Variants in APBB1IP observed in about 807,000 individuals in gnomAD.
The protein encoded by APBB1IP is amyloid beta A4 precursor protein-binding family B member 1-interacting protein.
APBB1IP carries 27 observed loss-of-function variants against 64.9 expected under a neutral mutation model. That is an observed-to-expected ratio of 0.42 (90% confidence interval 0.31 to 0.57). The LOEUF (loss-of-function observed/expected upper bound fraction) is 0.57. Ranked by LOEUF, APBB1IP falls within the 20% of genes least tolerant of loss-of-function variation. The probability of loss-of-function intolerance (pLI) is 0.20; values close to 1 mark genes in which losing one functional copy is unlikely to be tolerated. For missense variants in APBB1IP, 812 were observed against 845.5 expected (o/e 0.96, Z 0.49); for synonymous variants, 392 against 331.0 (o/e 1.18, Z -2.00).
rs143713067 is a variant in APBB1IP at position 26,500,879 on chromosome 10, A to G, written c.221A>G (p.Asp74Gly). Reference protein sequence around the residue: ...LDALMADLVADISEAEQRTIQ... With the variant: ...LDALMADLVAGISEAEQRTIQ... ...GCTCTCATGGCAGATCTGGTAGCAGACATAAGTGAGGCTGAGCAGAGGACA... is the reference window on the plus strand; with the variant it reads ...GCTCTCATGGCAGATCTGGTAGCAGGCATAAGTGAGGCTGAGCAGAGGACA... Residue 74 changes from aspartate (D) to glycine (G), a missense_variant, in exon 5 of 15, where the codon GAC becomes GGC. Physicochemically the swap from Asp to Gly is moderately conservative, Grantham distance 94. Transcript: ENST00000376236. The G allele has an allele frequency of 1.6e-5, 26 of 1,614,096 alleles. No homozygotes were observed. The highest frequency in any genetic ancestry group is 3.3e-5 in the South Asian group (3 of 91,088).
At chr10:26,561,840 A>G (rs144747612) in intron 13 of APBB1IP, 349 of 152,530 alleles carry the variant, frequency 2.3e-3, no homozygotes, top group Middle Eastern at 6.8e-3. Context: ...TCTGTGTCCA[A>G]TGTACTTTTT....
rs75363759 is a variant in APBB1IP at position 26,464,199 on chromosome 10, C to T, written c.-1+25346C>T. ...AAGTTTCTCAACATTTTGATCTACT[C>T]ATACCATCCTTCCATGCTTTCCAGA... is the stretch of plus-strand genomic sequence containing the variant. On this transcript the variant is annotated intron_variant, in intron 2 of 14. Coordinates refer to ENST00000376236, the MANE Select transcript of APBB1IP (RefSeq NM_019043.4). Among the ~76,000 whole-genome samples the T allele has an allele frequency of 6.2e-3, 937 of 152,284 alleles. 9 individuals carry two copies. Among genetic ancestry groups the T allele is most frequent in the African/African-American group, 0.02 (847 of 41,548 alleles).
At chr10:26,506,634 G>A (rs1836183057) in intron 6 of APBB1IP, among the ~76,000 whole-genome samples, 1 of 151,950 alleles carries the variant, frequency 6.6e-6, no homozygotes, top group Admixed American at 6.6e-5. Context: ...GCTTCGCCTG[G>A]CCTACTTTAC....
chr10:26,523,216 T>C (rs561775698), intron 8 of APBB1IP, among the ~76,000 whole-genome samples: 18 of 152,248 alleles, frequency 1.2e-4, no homozygotes, highest in Admixed American at 9.2e-4. Flanking sequence ...CATAAATAAG[T>C]AGATGGGAAC....
intron 3 of APBB1IP, among the ~76,000 whole-genome samples, chr10:26,494,681 C>T (rs1413652950): frequency 4.6e-5 from 7 of 151,876 alleles, no homozygotes; most frequent in Admixed American, 1.3e-4. Context: ...AAAAATTAGC[C>T]GAGCGTGGTG....
At chr10:26,476,276 C>G (rs1835774484) in intron 2 of APBB1IP, among the ~76,000 whole-genome samples, 1 of 151,068 alleles carries the variant, frequency 6.6e-6, no homozygotes, top group Non-Finnish European at 1.5e-5. Context: ...CCAGGCTGGT[C>G]TCAAACTAAA....
intron 3 of APBB1IP, 68 bp downstream of exon 3, chr10:26,492,466 G>A: frequency 7.1e-7 from 1 of 1,404,672 alleles, no homozygotes; most frequent in Non-Finnish European, 1.0e-6. Context: ...ATTGTAATAT[G>A]ACAAGGGAGC....
At chr10:26,552,723 G>A (rs950395494) in intron 11 of APBB1IP, among the ~76,000 whole-genome samples, 3 of 152,170 alleles carry the variant, frequency 2.0e-5, no homozygotes, top group South Asian at 2.1e-4. Flanking sequence ...TTTATCCCAC[G>A]CAGTAACTCT....
intron 3 of APBB1IP, among the ~76,000 whole-genome samples, chr10:26,493,398 T>C (rs1365840446): frequency 6.6e-6 from 1 of 152,168 alleles, no homozygotes; most frequent in Non-Finnish European, 1.5e-5. Flanking sequence ...GGGGAAATGA[T>C]AAATGTCCAT....
intron 2 of APBB1IP, among the ~76,000 whole-genome samples, chr10:26,460,860 C>T (rs1262773239): frequency 1.3e-5 from 2 of 152,146 alleles, no homozygotes; most frequent in African/African-American, 2.4e-5. Context: ...TAAAAGCTCA[C>T]TGCTGCCAGC....
At chr10:26,523,040 A>C (rs1354921403) in intron 8 of APBB1IP, among the ~76,000 whole-genome samples, 3 of 151,928 alleles carry the variant, frequency 2.0e-5, no homozygotes, top group Non-Finnish European at 4.4e-5. Context: ...AAACCAAGAA[A>C]AAAACAATGG....
chr10:26,467,227 G>A (rs1351540130), intron 2 of APBB1IP, among the ~76,000 whole-genome samples: 2 of 152,090 alleles, frequency 1.3e-5, no homozygotes, highest in African/African-American at 4.8e-5. Flanking sequence ...TTTTAACTTT[G>A]AGAATAGAAG....
At chr10:26,446,606 A>AC (rs1835400784) in intron 2 of APBB1IP, among the ~76,000 whole-genome samples, 2 of 152,048 alleles carry the variant, frequency 1.3e-5, no homozygotes, top group South Asian at 4.1e-4. Context: ...GCTGAATCAG[A>AC]CTCTGCTCAA....
At chr10:26,451,670 AC>A (rs1272725190) in intron 2 of APBB1IP, among the ~76,000 whole-genome samples, 1 of 152,200 alleles carries the variant, frequency 6.6e-6, no homozygotes, top group Non-Finnish European at 1.5e-5. Flanking sequence ...ACTAATAAAC[AC>A]TATAAGAAAG....
At position 26,567,323 on chromosome 10, in the gene APBB1IP, C is replaced by G. The variant is rs535253635; in HGVS notation, c.1836C>G (p.Pro612=). 9.0e-5 allele frequency: 115 copies of G among 1,275,882 alleles called. No individual in the cohort carries two copies. Among genetic ancestry groups the G allele is most frequent in the Non-Finnish European group, 1.1e-4 (110 of 993,788 alleles). The allele number at this position is 1,275,882 out of a possible 1,614,324, so 79.0% of individuals were successfully genotyped here. The change falls in exon 15 of 15, where the codon CCC becomes CCG. Residue 612 remains proline (P), a synonymous_variant. Coordinates refer to ENST00000376236, the MANE Select transcript of APBB1IP (RefSeq NM_019043.4). ...CGCCGCCCGCGCCCGCGCCCGCCCC[C>G]GTCCCCGACTCCGCCAGGCCGCCCC... ...PPPPPAPAPA[P]VPDSARPPPA... is the part of the protein sequence containing the mutation.
chr10:26,519,651 G>A (rs1010798672), intron 8 of APBB1IP, among the ~76,000 whole-genome samples: 1 of 152,112 alleles, frequency 6.6e-6, no homozygotes, highest in African/African-American at 2.4e-5. Flanking sequence ...GTAACATAGC[G>A]GGAAGCAGAA....
chr10:26,484,324 G>C (rs915478739), intron 2 of APBB1IP, among the ~76,000 whole-genome samples: 8 of 152,198 alleles, frequency 5.3e-5, no homozygotes, highest in Middle Eastern at 3.4e-3. Context: ...GTTTTGTTTT[G>C]AGATGGAGTC....
chr10:26,469,155 C>G (rs1835684185), intron 2 of APBB1IP, among the ~76,000 whole-genome samples: 1 of 150,486 alleles, frequency 6.6e-6, no homozygotes, highest in Non-Finnish European at 1.5e-5. Flanking sequence ...TGAAATAAGA[C>G]TTAGCTGAAA....
At chr10:26,476,062 C>CTTT (rs1222190976) in intron 2 of APBB1IP, among the ~76,000 whole-genome samples, 3 of 140,122 alleles carry the variant, frequency 2.1e-5, no homozygotes, top group Non-Finnish European at 4.7e-5. Flanking sequence ...TTTATAAAAA[C>CTTT]TTTTTTTTTT....
Sources: allele counts gnomAD v4.1 joint callset (sites outside exome capture counted in the v4.1 genomes callset), GRCh38; gene constraint gnomAD v4.1.1; transcripts MANE v1.5; gene names NCBI Gene and HGNC (gene_info 2026-07-23, HGNC 2026-07-21).